EIF4EBP1: variants seen among roughly 807,000 people sequenced by gnomAD.
The protein encoded by EIF4EBP1 is eukaryotic translation initiation factor 4E-binding protein 1.
In EIF4EBP1, 5 loss-of-function variants were observed where a neutral mutation model predicts 9.2. The ratio of observed to expected loss-of-function variants is 0.54; its 90% CI spans 0.28 to 1.14. The LOEUF (loss-of-function observed/expected upper bound fraction) is 1.14. Among genes scored for constraint, EIF4EBP1 ranks in the 50% most tolerant of loss-of-function variants. The probability of loss-of-function intolerance (pLI) is 0.09; values close to 1 mark genes in which losing one functional copy is unlikely to be tolerated. For synonymous variants in EIF4EBP1, 62 were observed against 67.0 expected, an observed-to-expected ratio of 0.93 and a Z score of 0.36; for missense variants, 139 against 169.6, an observed-to-expected ratio of 0.82 and a Z score of 1.00.
At chr8:38,037,764 T>C (rs1563414585) in intron 1 of EIF4EBP1, among the ~76,000 whole-genome samples, 1 of 152,000 alleles carries the variant, frequency 6.6e-6, no homozygotes, top group African/African-American at 2.4e-5. Context: ...GTTTTGATGA[T>C]GTTGTCTGTT....
At chr8:38,059,769 A>G in intron 2 of EIF4EBP1, 135 bp from the exon 3 acceptor site, 1 of 933,186 alleles carries the variant, frequency 1.1e-6, no homozygotes, top group Non-Finnish European at 1.6e-6. Context: ...AAAAAAAAAC[A>G]AAAAAACAAA....
chr8:38,059,845 C>G (rs1186865820), intron 2 of EIF4EBP1, 59 bp from the exon 3 acceptor site: 1 of 1,449,904 alleles, frequency 6.9e-7, no homozygotes, highest in Non-Finnish European at 9.7e-7. Context: ...GAAAGAATGG[C>G]CTCATATACC....
chr8:38,051,625 G>A (rs1585529619), intron 1 of EIF4EBP1, among the ~76,000 whole-genome samples: 1 of 151,954 alleles, frequency 6.6e-6, no homozygotes, highest in African/African-American at 2.4e-5. Flanking sequence ...TTGTGACAGA[G>A]TCGTGCTCTG....
intron 1 of EIF4EBP1, among the ~76,000 whole-genome samples, chr8:38,050,013 G>A (rs1360109096): frequency 1.3e-5 from 2 of 151,906 alleles, no homozygotes; most frequent in African/African-American, 4.8e-5. Flanking sequence ...CTGGGTTCAA[G>A]CGGTTCTCGT....
At chr8:38,030,973 C>T (rs1297621623) in intron 1 of EIF4EBP1, among the ~76,000 whole-genome samples, 1 of 152,186 alleles carries the variant, frequency 6.6e-6, no homozygotes, top group Non-Finnish European at 1.5e-5. Context: ...ACCTAACAAA[C>T]ACGCACGCCT....
chr8:38,040,446 G>A (rs1425434675), intron 1 of EIF4EBP1, among the ~76,000 whole-genome samples: 2 of 151,034 alleles, frequency 1.3e-5, no homozygotes, highest in African/African-American at 2.4e-5. Context: ...GAAAATGGTT[G>A]TATCAGTTAG....
intron 1 of EIF4EBP1, among the ~76,000 whole-genome samples, chr8:38,052,337 C>T (rs2130396161): frequency 6.6e-6 from 1 of 151,966 alleles, no homozygotes; most frequent in East Asian, 1.9e-4. Context: ...CACTGCTCAC[C>T]ACAGCCTCAA....
At chr8:38,038,346 A>G (rs1809331440) in intron 1 of EIF4EBP1, among the ~76,000 whole-genome samples, 1 of 151,312 alleles carries the variant, frequency 6.6e-6, no homozygotes, top group Non-Finnish European at 1.5e-5. Flanking sequence ...GTCTCTACTA[A>G]AAGTACAAAA....
At chr8:38,048,114 A>G (rs1585527813) in intron 1 of EIF4EBP1, among the ~76,000 whole-genome samples, 1 of 152,040 alleles carries the variant, frequency 6.6e-6, no homozygotes, top group East Asian at 1.9e-4. Flanking sequence ...AAAAAAGTAT[A>G]TACAAAAATT....
At chr8:38,057,428 G>A (rs1037974868) in intron 2 of EIF4EBP1, among the ~76,000 whole-genome samples, 168 bp downstream of exon 2, 27 of 152,288 alleles carry the variant, frequency 1.8e-4, no homozygotes, top group Non-Finnish European at 3.8e-4. Flanking sequence ...TGGGGAGGTT[G>A]AACTCTTCAT....
chr8:38,057,343 C>T, intron 2 of EIF4EBP1, 83 bp downstream of exon 2: 2 of 1,478,376 alleles, frequency 1.4e-6, no homozygotes, highest in Non-Finnish European at 1.8e-6. Flanking sequence ...GGGGCAATTC[C>T]AGGGAGGAGG....
At chr8:38,042,036 G>T (rs1444903867) in intron 1 of EIF4EBP1, among the ~76,000 whole-genome samples, 1 of 151,852 alleles carries the variant, frequency 6.6e-6, no homozygotes, top group African/African-American at 2.4e-5. Context: ...CATGATGCTG[G>T]ACCGCTAAGC....
Position 38,059,991 on chromosome 8 carries a change from G to C in EIF4EBP1, c.*56G>C, listed in dbSNP as rs764105301. ...GGGGCCCCTCAGGGCCTTCCTGGGAGGAGTCCCACCAGCCAGGCCTTATGA... is the reference window on the plus strand; with the variant it reads ...GGGGCCCCTCAGGGCCTTCCTGGGACGAGTCCCACCAGCCAGGCCTTATGA... On this transcript the variant is annotated 3_prime_UTR_variant, in exon 3 of 3. Transcript: ENST00000338825. 1.2e-5 allele frequency: 19 copies of C among 1,550,634 alleles called. No individual in the cohort carries two copies. Among genetic ancestry groups the C allele is most frequent in the Non-Finnish European group, 9.8e-6 (11 of 1,122,482 alleles).
At chr8:38,037,930 C>G (rs376585424) in intron 1 of EIF4EBP1, among the ~76,000 whole-genome samples, 5 of 151,902 alleles carry the variant, frequency 3.3e-5, no homozygotes, top group Non-Finnish European at 7.4e-5. Context: ...CACACCACCA[C>G]GCCTGGCTAA....
Position 38,032,748 on chromosome 8 carries a change from A to T in EIF4EBP1, c.145+2030A>T, listed in dbSNP as rs536399624. Among the ~76,000 whole-genome samples, 134 of 152,326 alleles carry T rather than the reference A, an allele frequency of 8.8e-4. 1 individual carries two copies. Among genetic ancestry groups the T allele is most frequent in the African/African-American group, 3.0e-3 (125 of 41,580 alleles). ...TCACTGTTTGGTCGTCCAGTGGAGC[A>T]GGTACAGCTCACAGTCCCTAAGCCA... On this transcript the variant is annotated intron_variant, in intron 1 of 2. Transcript: ENST00000338825.
rs61753671 is a variant in EIF4EBP1 at position 38,057,220 on chromosome 8, G to A, written c.285G>A (p.Gln95=). 20,219 of 1,614,060 alleles carry A rather than the reference G, an allele frequency of 0.013. 157 individuals carry two copies. The highest frequency in any genetic ancestry group is 0.014 in the Non-Finnish European group (17,027 of 1,179,932). ...SSDEPPMEAS[Q]SHLRNSPEDK... is the part of the protein sequence containing the mutation. Reference sequence around the variant, plus strand: ...ATGAGCCCCCCATGGAAGCCAGCCAGAGCCACCTGCGCAATAGCCCAGAAG... The same window carrying A: ...ATGAGCCCCCCATGGAAGCCAGCCAAAGCCACCTGCGCAATAGCCCAGAAG... Residue 95 remains glutamine (Q), a synonymous_variant, in exon 2 of 3, where the codon CAG becomes CAA. Transcript: ENST00000338825.
chr8:38,058,438 T>G (rs1809626238), intron 2 of EIF4EBP1, among the ~76,000 whole-genome samples: 2 of 152,164 alleles, frequency 1.3e-5, no homozygotes, highest in African/African-American at 4.8e-5. Context: ...GGCTAATCCA[T>G]TCATGAGGAC....
intron 1 of EIF4EBP1, among the ~76,000 whole-genome samples, chr8:38,031,281 G>A (rs2130374981): frequency 6.6e-6 from 1 of 152,276 alleles, no homozygotes; most frequent in East Asian, 1.9e-4. Context: ...TTACGCGAGT[G>A]GGATCTCCGC....
intron 1 of EIF4EBP1, among the ~76,000 whole-genome samples, chr8:38,031,161 G>T (rs1809212520): frequency 6.6e-6 from 1 of 152,114 alleles, no homozygotes; most frequent in South Asian, 2.1e-4. Context: ...TTTCCTTCCC[G>T]AAGCACGCCG....
Sources: gnomAD v4.1 joint callset for allele counts (sites outside exome capture counted in the v4.1 genomes callset) on GRCh38, gnomAD v4.1.1 for gene constraint, MANE v1.5 for transcripts, NCBI Gene and HGNC (gene_info 2026-07-23, HGNC 2026-07-21) for gene names.